The following BRWD1 variants were observed in gnomAD, a reference collection of about 807,000 sequenced individuals.
The protein encoded by BRWD1 is bromodomain and WD repeat domain containing 1.
In BRWD1, 82 loss-of-function variants were observed where a neutral mutation model predicts 251.2. The ratio of observed to expected loss-of-function variants is 0.33; its 90% CI spans 0.27 to 0.39. The LOEUF is 0.39. Ranked by LOEUF, BRWD1 falls within the 10% of genes least tolerant of loss-of-function variation. The pLI is 1.00. For missense variants in BRWD1, 2,233 were observed against 2,711.6 expected, an observed-to-expected ratio of 0.82 and a Z score of 3.92; for synonymous variants, 918 against 902.8, an observed-to-expected ratio of 1.02 and a Z score of -0.30.
rs142895425 is a variant in BRWD1 at position 39,287,124 on chromosome 21, T to C, written c.831+6687A>G. Among the ~76,000 whole-genome samples the C allele has an allele frequency of 4.2e-3, 643 of 152,308 alleles. 5 individuals are homozygous for C. Among genetic ancestry groups the C allele is most frequent in the African/African-American group, 0.015 (605 of 41,576 alleles). On this transcript the variant is annotated intron_variant, in intron 8 of 40. Coordinates refer to ENST00000342449, the MANE Select transcript of BRWD1 (RefSeq NM_033656.4). ...TCTCCTACATAACTATGATTATCAA[T>C]ACTTCGAAAACTTACTATTGATAAA... is the stretch of plus-strand genomic sequence containing the variant.
Position 39,192,980 on chromosome 21 carries a change from C to T in BRWD1, c.*3279G>A, listed in dbSNP as rs2031631243. 1.0e-6 allele frequency: 1 copy of T among 984,676 alleles called. No homozygotes were observed. The highest frequency in any genetic ancestry group is 1.7e-5 in the African/African-American group (1 of 57,174). 61.0% of individuals were successfully genotyped at this position (984,676 alleles called of 1,614,324 possible). On this transcript the variant is annotated 3_prime_UTR_variant, in exon 41 of 41. Coordinates refer to ENST00000342449, the MANE Select transcript of BRWD1 (RefSeq NM_033656.4). ...GGGAATGTAGTGTGCACCCCTTATT[C>T]TAAGTGATAATTTTTACTTACGAGG...
chr21:39,307,474 T>A, intron 4 of BRWD1, among the ~76,000 whole-genome samples: 1 of 152,318 alleles, frequency 6.6e-6, no homozygotes, highest in Middle Eastern at 3.4e-3. Flanking sequence ...TGTATGTATA[T>A]ATTGCACATA....
chr21:39,293,907 C>A lies in BRWD1; in HGVS notation c.735G>T (p.Ala245=), dbSNP rs368563847. 2.5e-6 allele frequency: 4 copies of A among 1,613,976 alleles called. No homozygotes were observed. Among genetic ancestry groups the A allele is most frequent in the Non-Finnish European group, 3.4e-6 (4 of 1,180,028 alleles). ...CTCTAATAATTTTATCACAGCTCCC[C>A]GCAGCAATCATTGTATTCTCATAGT... is the stretch of plus-strand genomic sequence containing the variant. ...AVNYENTMIA[A]GSCDKIIRVW... The change falls in exon 8 of 41, where the codon GCG becomes GCT. Residue 245 remains alanine (A), a synonymous_variant. Coordinates refer to ENST00000342449, the MANE Select transcript of BRWD1 (RefSeq NM_033656.4).
intron 27 of BRWD1, 37 bp from the exon 28 acceptor site, chr21:39,225,234 G>T: frequency 7.2e-7 from 1 of 1,395,306 alleles, no homozygotes; most frequent in Non-Finnish European, 1.0e-6. Context: ...GCATTTCTCT[G>T]CTAACATTCA....
intron 8 of BRWD1, among the ~76,000 whole-genome samples, 156 bp from the exon 9 acceptor site, chr21:39,280,404 T>A (rs1389769748): frequency 6.6e-6 from 1 of 152,028 alleles, no homozygotes; most frequent in Non-Finnish European, 1.5e-5. Flanking sequence ...AATCATAACC[T>A]CTCCACATTC....
chr21:39,230,775 T>C (rs899589878), intron 25 of BRWD1, among the ~76,000 whole-genome samples: 50 of 149,804 alleles, frequency 3.3e-4, no homozygotes, highest in African/African-American at 1.2e-3. Context: ...GAATAGACCA[T>C]GAAAAGGACA....
Position 39,205,988 on chromosome 21 carries a change from G to T in BRWD1, c.4364+120C>A. ...CCAGCTACTTGGGAGGCTGAGGCAG[G>T]AAAATCACTTGAACCCGGGAGGCAG... is the stretch of plus-strand genomic sequence containing the variant. On this transcript the variant is annotated intron_variant, in intron 37 of 40. Coordinates refer to ENST00000342449, the MANE Select transcript of BRWD1 (RefSeq NM_033656.4). 1.0e-5 allele frequency: 10 copies of T among 988,730 alleles called. No homozygotes were observed. The South Asian group carries it at 1.7e-4, about 17-fold the overall frequency. 61.2% of individuals were successfully genotyped at this position (988,730 alleles called of 1,614,324 possible). A position where few individuals can be genotyped will look rare whatever the true frequency, so the allele number is the denominator to read the frequency against.
intron 17 of BRWD1, among the ~76,000 whole-genome samples, chr21:39,260,243 C>G (rs530904191): frequency 6.6e-6 from 1 of 151,280 alleles, no homozygotes; most frequent in Non-Finnish European, 1.5e-5. Context: ...AAAGGGAAAA[C>G]GGCAAAGAAG....
chr21:39,313,178 G>A (rs1601523674), intron 2 of BRWD1, 63 bp downstream of exon 2: 2 of 1,500,222 alleles, frequency 1.3e-6, no homozygotes, highest in East Asian at 2.7e-5. Context: ...CACCACCCGC[G>A]ACCCCCGGCG....
Position 39,199,339 on chromosome 21 carries a change from GCTC to G in BRWD1, c.5074_5076del (p.Glu1692del). 6.2e-7 allele frequency: 1 copy of G among 1,613,942 alleles called. No individual in the cohort carries two copies. The highest frequency in any genetic ancestry group is 8.5e-7 in the Non-Finnish European group (1 of 1,179,872). On this transcript the variant is annotated inframe_deletion, in exon 40 of 41. Transcript: ENST00000342449. Reference sequence around the variant, plus strand: ...GGTAATAGTTGATTTTCATCTTTTAGCTCCTCTTCTTCAATTTCTGACTTTAAG... The same window carrying G: ...GGTAATAGTTGATTTTCATCTTTTAGCTCTTCTTCAATTTCTGACTTTAAG...
At chr21:39,258,759 CA>C in intron 17 of BRWD1, 87 bp from the exon 18 acceptor site, 1 of 874,370 alleles carries the variant, frequency 1.1e-6, no homozygotes, top group Non-Finnish European at 1.6e-6. Flanking sequence ...AATACATTAA[CA>C]ATGGTCAGAA....
At chr21:39,277,115 A>C (rs2035303265) in intron 11 of BRWD1, 136 bp downstream of exon 11, 4 of 500,170 alleles carry the variant, frequency 8.0e-6, no homozygotes, top group Non-Finnish European at 1.3e-5. Context: ...TACCATCAAA[A>C]AGTTATAAAT....
intron 15 of BRWD1, among the ~76,000 whole-genome samples, chr21:39,268,917 G>A (rs2035013781): frequency 6.6e-6 from 1 of 152,184 alleles, no homozygotes; most frequent in Non-Finnish European, 1.5e-5. Context: ...GAACCCGGGA[G>A]GCGGAGCTTG....
In BRWD1 at chr21:39,258,371, T is replaced by C. The variant is rs192244532; in HGVS notation, c.2071+116A>G. 11 of 932,506 alleles carry C rather than the reference T, an allele frequency of 1.2e-5. No homozygotes were observed. The Admixed American group carries it at 2.8e-4, about 24-fold the overall frequency. 57.8% of individuals were successfully genotyped at this position (932,506 alleles called of 1,614,324 possible). A position where few individuals can be genotyped will look rare whatever the true frequency, so the allele number is the denominator to read the frequency against. ...TACCTTCAGACTACTAATTAAGTTG[T>C]AAAAATACATTGTTTACTTAAGTTT... On this transcript the variant is annotated intron_variant, in intron 18 of 40. Transcript: ENST00000342449.
At chr21:39,287,737 A>G (rs907618186) in intron 8 of BRWD1, among the ~76,000 whole-genome samples, 36 of 152,032 alleles carry the variant, frequency 2.4e-4, no homozygotes, top group Non-Finnish European at 4.6e-4. Context: ...CATTTTTTCT[A>G]TCCTTAATTT....
chr21:39,314,699 T>G, upstream of BRWD1: 1 of 259,060 alleles, frequency 3.9e-6, no homozygotes, highest in South Asian at 3.8e-5. Context: ...GGAATGCGCG[T>G]TAACAATTCT....
At chr21:39,208,788 C>T (rs2032529402) in intron 36 of BRWD1, among the ~76,000 whole-genome samples, 2 of 151,994 alleles carry the variant, frequency 1.3e-5, no homozygotes, top group Non-Finnish European at 2.9e-5. Context: ...AGGCTGGTCT[C>T]GAACTCCTGA....
At chr21:39,256,795 G>A (rs1056144742) in intron 18 of BRWD1, among the ~76,000 whole-genome samples, 1 of 152,212 alleles carries the variant, frequency 6.6e-6, no homozygotes, top group Non-Finnish European at 1.5e-5. Flanking sequence ...AGGCTATGGA[G>A]CTGTACTCCA....
Position 39,271,533 on chromosome 21 carries a change from C to CA in BRWD1, c.1245-1101dup, listed in dbSNP as rs892309316. ...TGAAACCTCGTCTCTACTAAAAATA[C>CA]AAAAAAAAGCAAAATTAGCCAGGCG... On this transcript the variant is annotated intron_variant, in intron 13 of 40. Coordinates refer to ENST00000342449, the MANE Select transcript of BRWD1 (RefSeq NM_033656.4). Among the ~76,000 whole-genome samples, 30 of 149,104 alleles carry CA rather than the reference C, an allele frequency of 2.0e-4. 2 individuals are homozygous for CA. The highest frequency in any genetic ancestry group is 6.7e-4 in the African/African-American group (27 of 40,596).
Sources: allele counts gnomAD v4.1 joint callset (sites outside exome capture counted in the v4.1 genomes callset), GRCh38; gene constraint gnomAD v4.1.1; transcripts MANE v1.5; gene names NCBI Gene and HGNC (gene_info 2026-07-23, HGNC 2026-07-21).